ADGRL3: variants seen among roughly 807,000 people sequenced by gnomAD.
The protein encoded by ADGRL3 is adhesion G protein-coupled receptor L3.
A neutral mutation model predicts 153.5 loss-of-function variants in ADGRL3; 62 were observed. The observed-to-expected ratio is 0.40, with a 90% CI of 0.33 to 0.50. The LOEUF is 0.50. Among genes scored for constraint, ADGRL3 ranks in the 20% least tolerant of loss-of-function variants. The pLI, the probability that ADGRL3 is intolerant of heterozygous loss-of-function variation, is 0.47. For missense variants in ADGRL3, 1,641 were observed against 1,859.4 expected (o/e 0.88, Z 2.16); for synonymous variants, 710 against 672.5 (o/e 1.06, Z -0.86).
chr4:61,539,199 G>A, intron 4 of ADGRL3, among the ~76,000 whole-genome samples: 1 of 152,230 alleles, frequency 6.6e-6, no homozygotes, highest in East Asian at 1.9e-4. Flanking sequence ...AACCTGTGCA[G>A]TGCTAGCTTA....
chr4:61,653,997 T>C (rs574360987), intron 5 of ADGRL3, among the ~76,000 whole-genome samples: 93 of 152,344 alleles, frequency 6.1e-4, no homozygotes, highest in African/African-American at 2.1e-3. Context: ...AATAGTATAC[T>C]AGTTCCATAT....
intron 17 of ADGRL3, among the ~76,000 whole-genome samples, chr4:61,966,602 G>GTGTGTT (rs1287886442): frequency 1.5e-4 from 23 of 151,130 alleles, no homozygotes; most frequent in African/African-American, 5.6e-4. Flanking sequence ...GTGTGTGTGT[G>GTGTGTT]TGTGAATGAA....
intron 8 of ADGRL3, among the ~76,000 whole-genome samples, chr4:61,755,315 C>A (rs1461463416): frequency 1.3e-5 from 2 of 152,070 alleles, no homozygotes; most frequent in Non-Finnish European, 2.9e-5. Context: ...ACCATTCTAA[C>A]TGGTGTGAGA....
At chr4:61,628,797 A>C (rs1412364885) in intron 5 of ADGRL3, among the ~76,000 whole-genome samples, 1 of 152,214 alleles carries the variant, frequency 6.6e-6, no homozygotes, top group African/African-American at 2.4e-5. Flanking sequence ...TCTGCTTCAA[A>C]ATACAGCTCA....
intron 1 of ADGRL3, among the ~76,000 whole-genome samples, chr4:61,280,944 A>AT (rs1390969037): frequency 2.0e-5 from 3 of 151,786 alleles, no homozygotes; most frequent in Non-Finnish European, 4.4e-5. Context: ...ATATGACCTA[A>AT]TTTTTTTTGA....
intron 5 of ADGRL3, among the ~76,000 whole-genome samples, chr4:61,654,628 G>A (rs1385342331): frequency 1.3e-5 from 2 of 152,062 alleles, no homozygotes; most frequent in South Asian, 2.1e-4. Flanking sequence ...GCTGGGTGTG[G>A]TGGTTGAAGC....
Position 61,497,183 on chromosome 4 carries a change from GAAGAAAAATCATCA to G in ADGRL3, c.-110_-97del. ...AAATTATTCTTTTTCTTTTTAATTT[GAAGAAAAATCATCA>G]GTCTTGGAATACAGAAGAGAAACTA... On this transcript the variant is annotated 5_prime_UTR_variant, in exon 3 of 27. Coordinates refer to ENST00000683033, the MANE Select transcript of ADGRL3 (RefSeq NM_001387552.1). 1 of 629,140 alleles carries G rather than the reference GAAGAAAAATCATCA, an allele frequency of 1.6e-6. No homozygotes were observed. The highest frequency in any genetic ancestry group is 2.7e-6 in the Non-Finnish European group (1 of 372,028). The allele number at this position is 629,140 out of a possible 1,614,324, so 39.0% of individuals were successfully genotyped here.
chr4:61,754,606 G>GTA lies in ADGRL3; in HGVS notation c.1399+21064_1399+21065dup, dbSNP rs201445106. On this transcript the variant is annotated intron_variant, in intron 8 of 26. Transcript: ENST00000683033. ...GCCCACTGCCTAGAAAGATCTGAGT[G>GTA]TATATATATATATTTATTTATTATT... Among the ~76,000 whole-genome samples, 43 of 147,002 alleles carry GTA rather than the reference G, an allele frequency of 2.9e-4. 1 individual carries two copies. Among genetic ancestry groups the GTA allele is most frequent in the African/African-American group, 7.6e-4 (29 of 38,362 alleles).
chr4:61,646,476 T>C (rs1373497327), intron 5 of ADGRL3, among the ~76,000 whole-genome samples: 1 of 151,910 alleles, frequency 6.6e-6, no homozygotes, highest in Non-Finnish European at 1.5e-5. Flanking sequence ...GTGGATGTCC[T>C]TTCTGTTTGT....
intron 2 of ADGRL3, among the ~76,000 whole-genome samples, chr4:61,401,486 A>G (rs2096929667): frequency 6.6e-6 from 1 of 152,016 alleles, no homozygotes; most frequent in Non-Finnish European, 1.5e-5. Context: ...TACATGTACA[A>G]GCATGAATAG....
At chr4:61,397,172 T>C (rs1339665100) in intron 2 of ADGRL3, among the ~76,000 whole-genome samples, 2 of 151,958 alleles carry the variant, frequency 1.3e-5, no homozygotes, top group Non-Finnish European at 2.9e-5. Context: ...TAAAGTTATG[T>C]CTTTTAAACC....
At chr4:61,553,453 C>T (rs1191175274) in intron 4 of ADGRL3, among the ~76,000 whole-genome samples, 1 of 152,110 alleles carries the variant, frequency 6.6e-6, no homozygotes, top group Non-Finnish European at 1.5e-5. Context: ...TAATTATTCT[C>T]TCACAAACAT....
chr4:61,988,125 T>C (rs1009306253), intron 19 of ADGRL3, among the ~76,000 whole-genome samples: 1 of 152,142 alleles, frequency 6.6e-6, no homozygotes, highest in Admixed American at 6.5e-5. Context: ...TTTATTATTA[T>C]GTATAAAACA....
At position 61,999,672 on chromosome 4, in the gene ADGRL3, C is replaced by T. The variant is rs145043976; in HGVS notation, c.3395+1407C>T. On this transcript the variant is annotated intron_variant, in intron 21 of 26. Coordinates refer to ENST00000683033, the MANE Select transcript of ADGRL3 (RefSeq NM_001387552.1). ...CACCCATTTCCCATCTTTCTACATT[C>T]GGTGCCTGACAGTTCCTGGCCCGTA... 5.3e-5 allele frequency among the ~76,000 whole-genome samples: 8 copies of T among 152,214 alleles called. No individual in the cohort carries two copies. In the East Asian group the frequency reaches 1.2e-3, roughly 22 times the overall value.
intron 8 of ADGRL3, among the ~76,000 whole-genome samples, chr4:61,793,079 T>A (rs1042137948): frequency 2.0e-5 from 3 of 151,520 alleles, no homozygotes; most frequent in African/African-American, 7.3e-5. Context: ...ACGTCTTGGA[T>A]GGAGGCAGGG....
At chr4:61,536,688 G>A (rs545084175) in intron 4 of ADGRL3, among the ~76,000 whole-genome samples, 37 of 151,856 alleles carry the variant, frequency 2.4e-4, no homozygotes, top group African/African-American at 8.9e-4. Flanking sequence ...TCTTTTAATT[G>A]ATACAAGAAT....
chr4:61,615,367 T>C (rs2091877506), intron 5 of ADGRL3, among the ~76,000 whole-genome samples: 1 of 152,058 alleles, frequency 6.6e-6, no homozygotes, highest in Non-Finnish European at 1.5e-5. Context: ...AATATTTCTA[T>C]CAGTAATGTA....
At chr4:61,779,266 C>A (rs1301022834) in intron 8 of ADGRL3, among the ~76,000 whole-genome samples, 1 of 151,666 alleles carries the variant, frequency 6.6e-6, no homozygotes. Flanking sequence ...AGGACTGTTA[C>A]AAAGAAAAAT....
At chr4:61,588,658 A>T (rs1392661918) in intron 5 of ADGRL3, among the ~76,000 whole-genome samples, 1 of 152,004 alleles carries the variant, frequency 6.6e-6, no homozygotes, top group Non-Finnish European at 1.5e-5. Context: ...TTCATTTGAT[A>T]AAAGTTTGGT....
Sources: allele counts gnomAD v4.1 joint callset (sites outside exome capture counted in the v4.1 genomes callset), GRCh38; gene constraint gnomAD v4.1.1; transcripts MANE v1.5; gene names NCBI Gene and HGNC (gene_info 2026-07-23, HGNC 2026-07-21).